RFTN1: variants seen among roughly 807,000 people sequenced by gnomAD.
The protein encoded by RFTN1 is raftlin.
RFTN1 carries 26 observed loss-of-function variants against 46.5 expected under a neutral mutation model. That is an observed-to-expected ratio of 0.56 (90% CI 0.41 to 0.78). RFTN1 has a LOEUF of 0.78. RFTN1 is among the 30% of genes least tolerant of loss of function. The pLI, the probability that RFTN1 is intolerant of heterozygous loss-of-function variation, is 0.00. For missense variants in RFTN1, 693 were observed against 718.7 expected, an observed-to-expected ratio of 0.96 and a Z score of 0.41; for synonymous variants, 261 against 284.2, an observed-to-expected ratio of 0.92 and a Z score of 0.82.
At chr3:16,415,426 T>TACACACACACACACACACACACAC (rs1234984041) in intron 3 of RFTN1, among the ~76,000 whole-genome samples, 2 of 90,178 alleles carry the variant, frequency 2.2e-5, no homozygotes, top group African/African-American at 5.9e-5. Flanking sequence ...TATATATATA[T>TACACACACACACACACACACACAC]ATATACACAC....
chr3:16,430,184 C>T (rs962901220), intron 3 of RFTN1, among the ~76,000 whole-genome samples: 2 of 152,122 alleles, frequency 1.3e-5, no homozygotes, highest in Non-Finnish European at 2.9e-5. Flanking sequence ...ACAGTCACAT[C>T]CCAGGAGCCT....
At chr3:16,333,726 GA>G (rs930636954) in intron 7 of RFTN1, among the ~76,000 whole-genome samples, 7 of 150,814 alleles carry the variant, frequency 4.6e-5, no homozygotes, top group African/African-American at 9.7e-5. Flanking sequence ...TCATATTACA[GA>G]AAAAAAAGGG....
At chr3:16,325,416 T>G (rs1292995026) in intron 8 of RFTN1, among the ~76,000 whole-genome samples, 1 of 152,228 alleles carries the variant, frequency 6.6e-6, no homozygotes, top group Non-Finnish European at 1.5e-5. Flanking sequence ...GAGACCTGTC[T>G]GTAGCCCCTG....
rs2071052476 is a variant in RFTN1 at position 16,338,298 on chromosome 3, G to T, written c.1147-11422C>A. 6.6e-6 allele frequency among the ~76,000 whole-genome samples: 1 copy of T among 152,236 alleles called. No homozygotes were observed. Among genetic ancestry groups the T allele is most frequent in the African/African-American group, 2.4e-5 (1 of 41,462 alleles). ...CAGGCAAGGCATGCAACCACGCAAGGCTCCTGATCACAGGGAAGGTAATGA... is the reference window on the plus strand; with the variant it reads ...CAGGCAAGGCATGCAACCACGCAAGTCTCCTGATCACAGGGAAGGTAATGA... On this transcript the variant is annotated intron_variant, in intron 7 of 9. Transcript: ENST00000334133. The surrounding 1 kb of genome is among the most constrained non-coding windows in gnomAD (Gnocchi z 5.3).
intron 4 of RFTN1, among the ~76,000 whole-genome samples, chr3:16,408,659 T>C (rs987841143): frequency 7.0e-6 from 1 of 142,086 alleles, no homozygotes; most frequent in Non-Finnish European, 1.5e-5. Flanking sequence ...CAACATCTAG[T>C]ACTATTCCTG....
chr3:16,334,550 A>G lies in RFTN1; in HGVS notation c.1147-7674T>C, dbSNP rs2070666263. 2.0e-5 allele frequency among the ~76,000 whole-genome samples: 3 copies of G among 152,314 alleles called. No homozygotes were observed. The highest frequency in any genetic ancestry group is 4.1e-4 in the South Asian group (2 of 4,820). ...TTTAACATTATGTTTCACCCAGACA[A>G]CAGCTCAGAGAACTGGGCAATGGCT... On this transcript the variant is annotated intron_variant, in intron 7 of 9. Transcript: ENST00000334133. The surrounding 1 kb of genome is among the most constrained non-coding windows in gnomAD (Gnocchi z 4.3).
Position 16,418,118 on chromosome 3 carries a change from A to G in RFTN1, c.333-8635T>C, listed in dbSNP as rs1215414453. ...GTAACAAGTACTGCTAACACTTATG[A>G]GTGCTTTCAATATTGGTAATTATCA... On this transcript the variant is annotated intron_variant, in intron 3 of 9. Coordinates refer to ENST00000334133, the MANE Select transcript of RFTN1 (RefSeq NM_015150.2). The surrounding 1 kb of genome is among the most constrained non-coding windows in gnomAD (Gnocchi z 5.0). 6.6e-6 allele frequency among the ~76,000 whole-genome samples: 1 copy of G among 152,212 alleles called. No homozygotes were observed. Among genetic ancestry groups the G allele is most frequent in the African/African-American group, 2.4e-5 (1 of 41,446 alleles).
Position 16,443,838 on chromosome 3 carries a change from A to G in RFTN1, c.146-9801T>C, listed in dbSNP as rs1170107887. 6.6e-6 allele frequency among the ~76,000 whole-genome samples: 1 copy of G among 152,076 alleles called. No homozygotes were observed. The highest frequency in any genetic ancestry group is 2.4e-5 in the African/African-American group (1 of 41,404). On this transcript the variant is annotated intron_variant, in intron 2 of 9. Coordinates refer to ENST00000334133, the MANE Select transcript of RFTN1 (RefSeq NM_015150.2). This position sits in a 1 kb window ranked among gnomAD's most constrained non-coding sequence, Gnocchi z 5.5. ...GTATTTGTAAGGAGACTGACTCAAC[A>G]ATTTCCATTGACTGCATCCATTAAT... is the stretch of plus-strand genomic sequence containing the variant.
intron 1 of RFTN1, among the ~76,000 whole-genome samples, chr3:16,495,909 G>T (rs1266713718): frequency 6.6e-6 from 1 of 152,242 alleles, no homozygotes; most frequent in African/African-American, 2.4e-5. Context: ...GCTTCAGTAG[G>T]GGGGAAGTTA....
chr3:16,476,654 G>A (rs1217390336), intron 2 of RFTN1, among the ~76,000 whole-genome samples: 1 of 152,100 alleles, frequency 6.6e-6, no homozygotes, highest in Non-Finnish European at 1.5e-5. Context: ...CTAGGCAGAG[G>A]GGCTCCATTA....
intron 4 of RFTN1, among the ~76,000 whole-genome samples, chr3:16,390,966 A>AGACATGTCATGT (rs1553578657): frequency 6.6e-6 from 1 of 152,082 alleles, no homozygotes; most frequent in Admixed American, 6.5e-5. Context: ...TACTCCCTGT[A>AGACATGTCATGT]CCCCCCATGA....
rs556133052 is a variant in RFTN1, at chr3:16,430,406, C to T, written c.332+3445G>A. Among the ~76,000 whole-genome samples the T allele has an allele frequency of 4.6e-5, 7 of 152,294 alleles. No homozygotes were observed. In the South Asian group the frequency reaches 1.5e-3, roughly 32 times the overall value. On this transcript the variant is annotated intron_variant, in intron 3 of 9. Transcript: ENST00000334133. ...GGATTATAGGTGTGAGCCACTGCACCTGGCCTTGATGTTTTTTTGTTTGCT... is the reference window on the plus strand; with the variant it reads ...GGATTATAGGTGTGAGCCACTGCACTTGGCCTTGATGTTTTTTTGTTTGCT...
intron 2 of RFTN1, among the ~76,000 whole-genome samples, chr3:16,470,634 A>G (rs1202645921): frequency 6.6e-6 from 1 of 152,232 alleles, no homozygotes; most frequent in Non-Finnish European, 1.5e-5. Context: ...CTCCCTAAGC[A>G]ACCCAGCTAA....
intron 4 of RFTN1, among the ~76,000 whole-genome samples, chr3:16,391,838 A>AT (rs1198304605): frequency 7.0e-6 from 1 of 142,620 alleles, no homozygotes; most frequent in Non-Finnish European, 1.5e-5. Flanking sequence ...AATCCTAGAG[A>AT]TTATCATTCT....
chr3:16,360,948 C>T (rs2072788385), intron 6 of RFTN1, among the ~76,000 whole-genome samples: 1 of 152,162 alleles, frequency 6.6e-6, no homozygotes. Context: ...TAAGGAAATA[C>T]ACAAAATGCT....
chr3:16,345,788 CTGTG>C lies in RFTN1; in HGVS notation c.1146+12140_1146+12143del, dbSNP rs370820242. The stretch of plus-strand genomic sequence containing the variant: ...TGAGCCAAAACCTTATAATAAATCT[CTGTG>C]TGTGTGTGTGTGTGTGTGTGTGTGT... On this transcript the variant is annotated intron_variant, in intron 7 of 9. Transcript: ENST00000334133. This position sits in a 1 kb window ranked among gnomAD's most constrained non-coding sequence, Gnocchi z 5.2. Among the ~76,000 whole-genome samples, 6,871 of 127,208 alleles carry C rather than the reference CTGTG, an allele frequency of 0.054. 220 individuals carry two copies. The highest frequency in any genetic ancestry group is 0.08 in the Middle Eastern group (19 of 238). 83.5% of individuals were successfully genotyped at this position (127,208 alleles called of 152,430 possible).
chr3:16,388,618 G>A (rs959551960), intron 4 of RFTN1, among the ~76,000 whole-genome samples: 2 of 152,218 alleles, frequency 1.3e-5, no homozygotes, highest in Admixed American at 6.5e-5. Flanking sequence ...CTGTTAAAAT[G>A]TGCAGTTCGT....
intron 6 of RFTN1, among the ~76,000 whole-genome samples, chr3:16,367,181 C>T (rs899787386): frequency 1.3e-5 from 2 of 152,094 alleles, no homozygotes; most frequent in African/African-American, 4.8e-5. Flanking sequence ...TTCCAGATGG[C>T]AAACAGCTTA....
At chr3:16,368,156 G>T (rs1425613173) in intron 6 of RFTN1, among the ~76,000 whole-genome samples, 1 of 151,844 alleles carries the variant, frequency 6.6e-6, no homozygotes, top group Admixed American at 6.6e-5. Flanking sequence ...GTTCCTCCCT[G>T]GCCTTCTCTG....
Sources: gnomAD v4.1 joint callset for allele counts (sites outside exome capture counted in the v4.1 genomes callset) on GRCh38, gnomAD v4.1.1 for gene constraint, Gnocchi (gnomAD v3.1) non-coding constraint, MANE v1.5 for transcripts, NCBI Gene and HGNC (gene_info 2026-07-23, HGNC 2026-07-21) for gene names.